FOXP2: variants seen among roughly 807,000 people sequenced by gnomAD.
FOXP2 encodes the protein forkhead box P2.
Under a neutral mutation model 115.8 loss-of-function variants are expected in FOXP2, and 12 were observed. The ratio of observed to expected loss-of-function variants is 0.10; its 90% confidence interval spans 0.07 to 0.17. The LOEUF is 0.17. FOXP2 is among the 10% of genes least tolerant of loss of function. FOXP2 has a pLI of 1.00. For missense variants in FOXP2, 629 were observed against 843.5 expected (o/e 0.75, Z 3.15); for synonymous variants, 328 against 297.7 (o/e 1.10, Z -1.05).
intron 1 of FOXP2, among the ~76,000 whole-genome samples, chr7:114,253,487 G>A (rs1316160069): frequency 6.6e-6 from 1 of 152,120 alleles, no homozygotes; most frequent in East Asian, 1.9e-4. Context: ...TGTATTGGGT[G>A]CATATATATT....
At chr7:114,240,291 C>T (rs1287503316) in intron 1 of FOXP2, among the ~76,000 whole-genome samples, 3 of 152,044 alleles carry the variant, frequency 2.0e-5, no homozygotes, top group African/African-American at 7.2e-5. Flanking sequence ...AACTTTCTCT[C>T]CAAATTCAAG....
chr7:114,616,996 G>A (rs1803986632), intron 3 of FOXP2, among the ~76,000 whole-genome samples: 1 of 152,176 alleles, frequency 6.6e-6, no homozygotes, highest in African/African-American at 2.4e-5. Flanking sequence ...TGATGCAGGA[G>A]GATCTCCTGA....
chr7:114,087,791 A>G (rs756270703), exon 1 of FOXP2: 1 of 152,012 alleles, frequency 6.6e-6, no homozygotes, highest in African/African-American at 2.4e-5. Context: ...TCTCTAGAGC[A>G]GGGAGGAAAA....
At chr7:114,494,582 G>C (rs999137607) in intron 2 of FOXP2, among the ~76,000 whole-genome samples, 1 of 152,014 alleles carries the variant, frequency 6.6e-6, no homozygotes, top group Non-Finnish European at 1.5e-5. Flanking sequence ...TTCTCAGACC[G>C]CTAGTAATTA....
At chr7:114,451,915 T>C (rs1584752294) in intron 2 of FOXP2, among the ~76,000 whole-genome samples, 1 of 152,006 alleles carries the variant, frequency 6.6e-6, no homozygotes. Flanking sequence ...TGACAACTAA[T>C]TTTTTATGCC....
chr7:114,124,421 A>G (rs1053943596), intron 1 of FOXP2, among the ~76,000 whole-genome samples: 23 of 152,000 alleles, frequency 1.5e-4, no homozygotes, highest in African/African-American at 5.6e-4. Flanking sequence ...TAAAATTCAA[A>G]TTCTTTTTTG....
chr7:114,686,144 A>G (rs906011699), intron 16 of FOXP2, among the ~76,000 whole-genome samples: 4 of 151,970 alleles, frequency 2.6e-5, no homozygotes, highest in African/African-American at 4.8e-5. Context: ...TTTTTATACT[A>G]TAGTCTATGC....
chr7:114,628,723 T>C (rs201931968), intron 4 of FOXP2, 46 bp downstream of exon 4: 3 of 1,612,916 alleles, frequency 1.9e-6, no homozygotes, highest in Middle Eastern at 1.7e-4. Context: ...ACTTAGAAGG[T>C]GTGCACTTAT....
At chr7:114,225,251 A>G (rs1209054765) in intron 1 of FOXP2, among the ~76,000 whole-genome samples, 1 of 151,884 alleles carries the variant, frequency 6.6e-6, no homozygotes, top group African/African-American at 2.4e-5. Flanking sequence ...GAGTTCCTTC[A>G]AAGTTTGCTA....
chr7:114,619,110 T>C (rs551194765), intron 3 of FOXP2, among the ~76,000 whole-genome samples: 1 of 152,302 alleles, frequency 6.6e-6, no homozygotes, highest in East Asian at 1.9e-4. Flanking sequence ...AGTCTAACAC[T>C]GCAACCAAGC....
In FOXP2 at chr7:114,233,405, A is replaced by G. The variant is rs1216871809; in HGVS notation, c.-101-54614A>G. ...GCACTTGTATATAAAATATGAATGAATCTTTTTAGGAATGCATGCTCAAAA... is the reference window on the plus strand; with the variant it reads ...GCACTTGTATATAAAATATGAATGAGTCTTTTTAGGAATGCATGCTCAAAA... On this transcript the variant is annotated intron_variant, in intron 1 of 17. Coordinates refer to the FOXP2 transcript ENST00000634411. Among the ~76,000 whole-genome samples the G allele has an allele frequency of 1.3e-5, 2 of 152,236 alleles. 1 individual carries two copies. Among genetic ancestry groups the G allele is most frequent in the African/African-American group, 4.8e-5 (2 of 41,460 alleles).
chr7:114,670,100 C>T (rs893146215), intron 16 of FOXP2: 5 of 151,858 alleles, frequency 3.3e-5, no homozygotes, highest in East Asian at 1.9e-4. Context: ...ATATGTCATT[C>T]GTGACTCCTC....
intron 2 of FOXP2, among the ~76,000 whole-genome samples, chr7:114,470,498 A>G (rs1018759144): frequency 5.3e-5 from 8 of 152,118 alleles, no homozygotes; most frequent in African/African-American, 1.7e-4. Flanking sequence ...TTGGTAGCCT[A>G]TAAGATTTAT....
intron 2 of FOXP2, among the ~76,000 whole-genome samples, chr7:114,434,447 G>C (rs912764502): frequency 1.2e-4 from 17 of 140,922 alleles, no homozygotes; most frequent in Non-Finnish European, 2.2e-4. Context: ...ATGGGGGGGG[G>C]GGATAAGGTA....
At chr7:114,684,319 G>T (rs1320525620) in intron 16 of FOXP2, among the ~76,000 whole-genome samples, 1 of 152,180 alleles carries the variant, frequency 6.6e-6, no homozygotes, top group Non-Finnish European at 1.5e-5. Context: ...TTGAAATGCA[G>T]CAGGGAATTC....
chr7:114,151,684 A>C (rs1792532358), intron 1 of FOXP2, among the ~76,000 whole-genome samples: 1 of 152,120 alleles, frequency 6.6e-6, no homozygotes, highest in Non-Finnish European at 1.5e-5. Context: ...CATTTTAAGA[A>C]AGTGAGAAAA....
chr7:114,526,482 A>C (rs1798875424), intron 2 of FOXP2, among the ~76,000 whole-genome samples: 1 of 150,012 alleles, frequency 6.7e-6, no homozygotes, highest in Non-Finnish European at 1.5e-5. Flanking sequence ...TCTCAAAAAA[A>C]AAAAACAAAA....
At chr7:114,669,222 A>G (rs1048109291) in intron 16 of FOXP2, 2 of 152,050 alleles carry the variant, frequency 1.3e-5, no homozygotes, top group Non-Finnish European at 2.9e-5. Flanking sequence ...ACAATTATCA[A>G]AATTTAGGCA....
At chr7:114,278,275 T>C (rs1203993019) in intron 1 of FOXP2, among the ~76,000 whole-genome samples, 1 of 152,128 alleles carries the variant, frequency 6.6e-6, no homozygotes. Context: ...CATCCTTCTA[T>C]TGAGTTAGAG....
Sources: gnomAD v4.1 joint callset for allele counts (sites outside exome capture counted in the v4.1 genomes callset) on GRCh38, gnomAD v4.1.1 for gene constraint, MANE v1.5 for transcripts, NCBI Gene and HGNC (gene_info 2026-07-23, HGNC 2026-07-21) for gene names.